The following HECTD2 variants were observed in gnomAD, a reference collection of about 807,000 sequenced individuals.
HECTD2 encodes the protein probable E3 ubiquitin-protein ligase HECTD2.
In HECTD2, 35 loss-of-function variants were observed where a neutral mutation model predicts 103.2. The ratio of observed to expected loss-of-function variants is 0.34; its 90% CI spans 0.26 to 0.45. The LOEUF (loss-of-function observed/expected upper bound fraction) is 0.45, where lower values mean the gene tolerates loss of function less well. Ranked by LOEUF, HECTD2 falls within the 20% of genes least tolerant of loss-of-function variation. HECTD2 has a pLI of 1.00. For synonymous variants in HECTD2, 281 were observed against 329.9 expected, an observed-to-expected ratio of 0.85 and a Z score of 1.61; for missense variants, 596 against 937.4, an observed-to-expected ratio of 0.64 and a Z score of 4.76.
At chr10:91,453,881 G>T (rs1844945320) in intron 2 of HECTD2, among the ~76,000 whole-genome samples, 1 of 152,096 alleles carries the variant, frequency 6.6e-6, no homozygotes, top group Non-Finnish European at 1.5e-5. Flanking sequence ...AAACAGAAAT[G>T]ACTGCATTAA....
At chr10:91,495,433 T>C (rs774306140) in intron 14 of HECTD2, among the ~76,000 whole-genome samples, 23 of 152,086 alleles carry the variant, frequency 1.5e-4, no homozygotes, top group Non-Finnish European at 2.9e-4. Context: ...TTTTAAAAGT[T>C]ATTTTCAGTA....
chr10:91,414,513 C>T (rs1333594766), intron 1 of HECTD2, among the ~76,000 whole-genome samples: 1 of 152,196 alleles, frequency 6.6e-6, no homozygotes, highest in Non-Finnish European at 1.5e-5. Context: ...AAAAAATGGT[C>T]TCTGCCTCAG....
intron 5 of HECTD2, among the ~76,000 whole-genome samples, chr10:91,465,181 A>G (rs1845489599): frequency 6.6e-6 from 1 of 152,200 alleles, no homozygotes; most frequent in Admixed American, 6.5e-5. Context: ...AAATATATCA[A>G]TGTTGCTGGG....
chr10:91,509,438 C>T (rs1401388859), intron 20 of HECTD2, among the ~76,000 whole-genome samples: 2 of 152,042 alleles, frequency 1.3e-5, no homozygotes, highest in Non-Finnish European at 2.9e-5. Flanking sequence ...TCATTCAACC[C>T]AGCAATGCCA....
intron 20 of HECTD2, among the ~76,000 whole-genome samples, chr10:91,507,143 C>T (rs1847218905): frequency 6.6e-6 from 1 of 151,588 alleles, no homozygotes; most frequent in Non-Finnish European, 1.5e-5. Context: ...TAAGAGCTAT[C>T]TATGACAAAC....
At chr10:91,465,501 G>A (rs1334691028) in intron 5 of HECTD2, among the ~76,000 whole-genome samples, 1 of 149,984 alleles carries the variant, frequency 6.7e-6, no homozygotes, top group African/African-American at 2.5e-5. Context: ...GGCAGGGAAA[G>A]TACCAAATGA....
chr10:91,452,437 C>T (rs559079103), intron 2 of HECTD2, among the ~76,000 whole-genome samples: 8 of 152,150 alleles, frequency 5.3e-5, no homozygotes, highest in African/African-American at 1.7e-4. Context: ...GTATTTATTT[C>T]CACCAAAATT....
chr10:91,410,981 A>G (rs1842896782), intron 1 of HECTD2, among the ~76,000 whole-genome samples: 2 of 151,958 alleles, frequency 1.3e-5, no homozygotes, highest in Admixed American at 6.6e-5. Flanking sequence ...AGGCGCGCAG[A>G]TTTTTGTCCT....
chr10:91,489,032 T>G (rs1160800524), intron 11 of HECTD2: 1 of 152,206 alleles, frequency 6.6e-6, no homozygotes, highest in African/African-American at 2.4e-5. Flanking sequence ...TATGATTTTT[T>G]TATATTTGTA....
chr10:91,421,948 C>G (rs905593688), intron 1 of HECTD2, among the ~76,000 whole-genome samples: 2 of 152,098 alleles, frequency 1.3e-5, no homozygotes, highest in Non-Finnish European at 2.9e-5. Context: ...ATTTCTTGGC[C>G]CAGGCTGTCA....
chr10:91,414,897 CT>C (rs1843058340), intron 1 of HECTD2, among the ~76,000 whole-genome samples: 1 of 152,048 alleles, frequency 6.6e-6, no homozygotes, highest in African/African-American at 2.4e-5. Flanking sequence ...TTTTTTCCCC[CT>C]GCGGTTAGTG....
intron 20 of HECTD2, among the ~76,000 whole-genome samples, chr10:91,508,446 A>G (rs2133384504): frequency 6.6e-6 from 1 of 151,824 alleles, no homozygotes; most frequent in Middle Eastern, 3.4e-3. Context: ...AAACAACCCC[A>G]TCAAAAAGTG....
chr10:91,410,646 G>A, intron 1 of HECTD2, 70 bp downstream of exon 1: 2 of 1,296,678 alleles, frequency 1.5e-6, no homozygotes, highest in Middle Eastern at 2.8e-4. Context: ...GCCGGGCGAG[G>A]GCCGTCAGGA....
intron 1 of HECTD2, among the ~76,000 whole-genome samples, chr10:91,417,570 G>A (rs1843180628): frequency 1.3e-5 from 2 of 151,282 alleles, no homozygotes; most frequent in Non-Finnish European, 2.9e-5. Flanking sequence ...CTGTGTCCAT[G>A]TGTTCTCATT....
chr10:91,479,520 A>C (rs369957761), intron 6 of HECTD2, among the ~76,000 whole-genome samples: 37 of 152,200 alleles, frequency 2.4e-4, no homozygotes, highest in African/African-American at 8.9e-4. Flanking sequence ...ATCTGTTTGC[A>C]TTTTCCTTCT....
intron 4 of HECTD2, among the ~76,000 whole-genome samples, chr10:91,461,690 A>C (rs1001023198): frequency 6.6e-6 from 1 of 152,090 alleles, no homozygotes; most frequent in Non-Finnish European, 1.5e-5. Context: ...CTGGGATTAC[A>C]GGTGCCTGTC....
At chr10:91,472,152 T>C (rs1225090667) in intron 5 of HECTD2, among the ~76,000 whole-genome samples, 1 of 152,068 alleles carries the variant, frequency 6.6e-6, no homozygotes, top group Non-Finnish European at 1.5e-5. Flanking sequence ...CTAGAACTGA[T>C]GACACACACC....
At chr10:91,498,621 A>G (rs931988008) in intron 16 of HECTD2, among the ~76,000 whole-genome samples, 1 of 152,172 alleles carries the variant, frequency 6.6e-6, no homozygotes, top group Non-Finnish European at 1.5e-5. Context: ...AGATGTCCAC[A>G]CAGTTTTGTG....
intron 2 of HECTD2, among the ~76,000 whole-genome samples, chr10:91,444,914 G>A (rs1168468526): frequency 2.0e-5 from 3 of 152,308 alleles, no homozygotes; most frequent in Non-Finnish European, 4.4e-5. Flanking sequence ...CTGATAAGCA[G>A]TAATCGTTTT....
Sources: gnomAD v4.1 joint callset for allele counts (sites outside exome capture counted in the v4.1 genomes callset) on GRCh38, gnomAD v4.1.1 for gene constraint, MANE v1.5 for transcripts, NCBI Gene and HGNC (gene_info 2026-07-23, HGNC 2026-07-21) for gene names.